The following TNIK variants were observed in gnomAD, a reference collection of about 807,000 sequenced individuals.
TNIK encodes the protein TRAF2 and NCK interacting kinase, also known as TRAF2 and NCK-interacting protein kinase.
A neutral mutation model predicts 191.3 loss-of-function variants in TNIK; 49 were observed. That is an observed-to-expected ratio of 0.26 (90% CI 0.20 to 0.32). The LOEUF is 0.32. Ranked by LOEUF, TNIK falls within the 10% of genes least tolerant of loss-of-function variation. The pLI is 1.00. For synonymous variants in TNIK, 594 were observed against 600.9 expected (o/e 0.99, Z 0.17); for missense variants, 1,155 against 1,702.3 (o/e 0.68, Z 5.66).
chr3:171,444,735 C>T (rs562309018), intron 1 of TNIK, among the ~76,000 whole-genome samples: 2 of 152,202 alleles, frequency 1.3e-5, no homozygotes, highest in South Asian at 4.2e-4. Flanking sequence ...TTCCATACTC[C>T]TAAGAATGTG....
At chr3:171,084,650 G>A (rs1318850421) in intron 25 of TNIK, among the ~76,000 whole-genome samples, 1 of 152,138 alleles carries the variant, frequency 6.6e-6, no homozygotes, top group Non-Finnish European at 1.5e-5. Flanking sequence ...TTTATCAGTT[G>A]AAAAACTGTC....
chr3:171,107,248 A>G lies in TNIK; in HGVS notation c.2383-42T>C, dbSNP rs1265152047. 10 of 1,594,730 alleles carry G rather than the reference A, an allele frequency of 6.3e-6. No individual in the cohort carries two copies. The African/African-American group carries it at 1.1e-4, about 17-fold the overall frequency. Reference sequence around the variant, plus strand: ...CCAATCCAGAAGAATCCACAGAAGGAGGAAAAGCCAGCAGAAAGGCAGCAG... The same window carrying G: ...CCAATCCAGAAGAATCCACAGAAGGGGGAAAAGCCAGCAGAAAGGCAGCAG... On this transcript the variant is annotated intron_variant, in intron 20 of 32. Coordinates refer to ENST00000436636, the MANE Select transcript of TNIK (RefSeq NM_015028.4).
chr3:171,336,584 C>G (rs988381103), intron 2 of TNIK, among the ~76,000 whole-genome samples: 1 of 152,166 alleles, frequency 6.6e-6, no homozygotes, highest in Non-Finnish European at 1.5e-5. Flanking sequence ...TCGGAGGGAC[C>G]TGATGACATA....
intron 2 of TNIK, among the ~76,000 whole-genome samples, chr3:171,295,807 T>C (rs1204196301): frequency 6.6e-6 from 1 of 152,168 alleles, no homozygotes; most frequent in Non-Finnish European, 1.5e-5. Context: ...ACTTCTTGAA[T>C]ATCTGGCCTG....
intron 1 of TNIK, among the ~76,000 whole-genome samples, chr3:171,393,454 C>T (rs74840842): frequency 0.071 from 10,804 of 152,274 alleles, 510 homozygotes; most frequent in Middle Eastern, 0.2. Context: ...AATTATCCCT[C>T]GATATTTCTT....
At chr3:171,220,217 G>A (rs1742121922) in intron 3 of TNIK, among the ~76,000 whole-genome samples, 3 of 152,228 alleles carry the variant, frequency 2.0e-5, no homozygotes, top group Admixed American at 1.3e-4. Flanking sequence ...ACAGGGAGGA[G>A]AATATCACAC....
intron 15 of TNIK, among the ~76,000 whole-genome samples, chr3:171,132,420 C>T (rs1729437088): frequency 6.6e-6 from 1 of 152,120 alleles, no homozygotes; most frequent in Admixed American, 6.5e-5. Flanking sequence ...ACTGTGGTCT[C>T]AGAAATAAAA....
chr3:171,392,452 C>T (rs1719661956), intron 1 of TNIK, among the ~76,000 whole-genome samples: 1 of 152,090 alleles, frequency 6.6e-6, no homozygotes, highest in African/African-American at 2.4e-5. Flanking sequence ...CCTTCATCTT[C>T]CCAAAGACCA....
chr3:171,094,836 TTA>T (rs749221882), intron 22 of TNIK, among the ~76,000 whole-genome samples: 1 of 152,162 alleles, frequency 6.6e-6, no homozygotes, highest in Non-Finnish European at 1.5e-5. Flanking sequence ...CAATTTGCAA[TTA>T]TCTTATCTTT....
intron 28 of TNIK, among the ~76,000 whole-genome samples, chr3:171,076,943 G>A (rs912331866): frequency 1.3e-5 from 2 of 150,634 alleles, no homozygotes; most frequent in Non-Finnish European, 2.9e-5. Context: ...ATGCACACAC[G>A]ATTTACTTCT....
chr3:171,078,919 A>G (rs1720333982), intron 28 of TNIK, among the ~76,000 whole-genome samples: 2 of 152,142 alleles, frequency 1.3e-5, no homozygotes, highest in African/African-American at 2.4e-5. Context: ...CAAACCTTTC[A>G]TCTTCTGTTG....
Position 171,185,709 on chromosome 3 carries a change from G to A in TNIK, c.639+2993C>T, listed in dbSNP as rs537942050. ...TAAAAAGCTACAGAAGACCTTATAC[G>A]TTGAGTTACTTTAGGTTTTGTAAAA... On this transcript the variant is annotated intron_variant, in intron 7 of 32. Coordinates refer to ENST00000436636, the MANE Select transcript of TNIK (RefSeq NM_015028.4). 1.4e-3 allele frequency among the ~76,000 whole-genome samples: 218 copies of A among 152,268 alleles called. 1 individual carries two copies. Among genetic ancestry groups the A allele is most frequent in the African/African-American group, 5.1e-3 (211 of 41,536 alleles).
chr3:171,358,314 A>T (rs1490887564), intron 2 of TNIK, among the ~76,000 whole-genome samples: 1 of 152,200 alleles, frequency 6.6e-6, no homozygotes, highest in African/African-American at 2.4e-5. Context: ...ACAGTTCCAC[A>T]TGGCCGGGGA....
chr3:171,142,413 G>C (rs905280833), intron 12 of TNIK, among the ~76,000 whole-genome samples: 6 of 152,208 alleles, frequency 3.9e-5, no homozygotes, highest in Admixed American at 2.0e-4. Flanking sequence ...GAGGAATAAA[G>C]ACTAACAACT....
intron 18 of TNIK, among the ~76,000 whole-genome samples, chr3:171,116,141 TTTTGGTAAAACATG>T (rs1344924555): frequency 6.6e-6 from 1 of 152,248 alleles, no homozygotes; most frequent in African/African-American, 2.4e-5. Flanking sequence ...CTACCTTTTC[TTTTGGTAAAACATG>T]AGTAGTTTGA....
chr3:171,312,516 T>C (rs985358931), intron 2 of TNIK, among the ~76,000 whole-genome samples: 11 of 152,110 alleles, frequency 7.2e-5, no homozygotes, highest in Non-Finnish European at 1.3e-4. Flanking sequence ...CAAACCACTT[T>C]GGATGTGCCC....
At chr3:171,322,949 G>C (rs1321589483) in intron 2 of TNIK, among the ~76,000 whole-genome samples, 2 of 151,106 alleles carry the variant, frequency 1.3e-5, no homozygotes, top group Non-Finnish European at 2.9e-5. Flanking sequence ...TTTTACACTG[G>C]TAAGTGTTTG....
At chr3:171,103,967 T>TTAAAATTA (rs1724116120) in intron 21 of TNIK, among the ~76,000 whole-genome samples, 1 of 152,142 alleles carries the variant, frequency 6.6e-6, no homozygotes. Flanking sequence ...TTAGAAACAC[T>TTAAAATTA]TTAAAGTTCT....
intron 2 of TNIK, among the ~76,000 whole-genome samples, chr3:171,264,069 C>T (rs1254171777): frequency 2.2e-4 from 11 of 49,210 alleles, no homozygotes; most frequent in African/African-American, 7.4e-4. Flanking sequence ...TATATACATA[C>T]ACACACACAC....
Sources: allele counts gnomAD v4.1 joint callset (sites outside exome capture counted in the v4.1 genomes callset), GRCh38; gene constraint gnomAD v4.1.1; transcripts MANE v1.5; gene names NCBI Gene and HGNC (gene_info 2026-07-23, HGNC 2026-07-21).